The following NFIB variants were observed in gnomAD, a reference collection of about 807,000 sequenced individuals.
NFIB encodes the protein nuclear factor I B.
A neutral mutation model predicts 61.5 loss-of-function variants in NFIB; 11 were observed. The observed-to-expected ratio is 0.18, with a 90% confidence interval of 0.11 to 0.30. NFIB has a LOEUF of 0.30. NFIB is among the 10% of genes least tolerant of loss of function. The probability of loss-of-function intolerance (pLI) is 1.00; values close to 1 mark genes in which losing one functional copy is unlikely to be tolerated. For missense variants in NFIB, 471 were observed against 608.9 expected (o/e 0.77, Z 2.38); for synonymous variants, 260 against 216.5 (o/e 1.20, Z -1.76).
At chr9:14,289,808 T>C (rs1337043253) in intron 2 of NFIB, among the ~76,000 whole-genome samples, 1 of 152,042 alleles carries the variant, frequency 6.6e-6, no homozygotes, top group Non-Finnish European at 1.5e-5. Flanking sequence ...TTACTCATAA[T>C]ATTGAGATAT....
chr9:14,228,846 AATGCCATGTTCCAGGTG>A (rs1226812916), intron 2 of NFIB, among the ~76,000 whole-genome samples: 1 of 152,202 alleles, frequency 6.6e-6, no homozygotes, highest in Non-Finnish European at 1.5e-5. Flanking sequence ...AAACTAATTT[AATGCCATGTTCCAGGTG>A]ACTCAATATG....
At chr9:14,364,944 A>C (rs970158337) in intron 1 of NFIB, among the ~76,000 whole-genome samples, 3 of 152,218 alleles carry the variant, frequency 2.0e-5, no homozygotes, top group Non-Finnish European at 4.4e-5. Context: ...CAGCAATTCC[A>C]CCACATCAAC....
intron 2 of NFIB, among the ~76,000 whole-genome samples, chr9:14,230,577 C>T (rs376688698): frequency 5.3e-5 from 8 of 152,042 alleles, no homozygotes; most frequent in East Asian, 1.9e-4. Flanking sequence ...GCACATAGTA[C>T]GCACTTAACT....
chr9:14,316,663 CTT>C (rs2060548898), upstream of NFIB, among the ~76,000 whole-genome samples: 1 of 152,134 alleles, frequency 6.6e-6, no homozygotes. Context: ...GCAACCTCAT[CTT>C]AGATTAAACA....
chr9:14,185,008 T>C (rs527832001), intron 2 of NFIB, among the ~76,000 whole-genome samples: 5 of 152,152 alleles, frequency 3.3e-5, no homozygotes, highest in Non-Finnish European at 5.9e-5. Flanking sequence ...CTGGTAATGT[T>C]TGGAACACAG....
chr9:14,116,462 C>T (rs1213091486), intron 8 of NFIB, 116 bp from the exon 9 acceptor site: 1 of 1,083,326 alleles, frequency 9.2e-7, no homozygotes, highest in Non-Finnish European at 1.2e-6. Flanking sequence ...ATAGGCGCCA[C>T]ACAGGCCCTC....
rs1457611495 is a variant in NFIB at position 14,083,004 on chromosome 9, T to C, written c.*5305A>G. Reference sequence around the variant, plus strand: ...TTAGTCTAGTGTACCGGTAAGCTAGTGGCACTGAAGCGCTTTTCACAATCT... The same window carrying C: ...TTAGTCTAGTGTACCGGTAAGCTAGCGGCACTGAAGCGCTTTTCACAATCT... On this transcript the variant is annotated 3_prime_UTR_variant, in exon 11 of 11. Coordinates refer to ENST00000380953, the MANE Select transcript of NFIB (RefSeq NM_001190737.2). 1.4e-5 allele frequency: 3 copies of C among 207,076 alleles called. No individual in the cohort carries two copies. The highest frequency in any genetic ancestry group is 6.9e-5 in the African/African-American group (3 of 43,714). The allele number at this position is 207,076 out of a possible 1,614,324, so 12.8% of individuals were successfully genotyped here. A position where few individuals can be genotyped will look rare whatever the true frequency, so the allele number is the denominator to read the frequency against.
chr9:14,413,383 T>C, the NFIB span, among the ~76,000 whole-genome samples: 5 of 152,182 alleles, frequency 3.3e-5, no homozygotes, highest in Non-Finnish European at 7.3e-5. Flanking sequence ...AAGAATCTTT[T>C]TAGAGGGAAT....
At position 14,120,590 on chromosome 9, in the gene NFIB, C is replaced by A; in HGVS notation, c.1095G>T (p.Pro365=). 1 of 1,612,422 alleles carries A rather than the reference C, an allele frequency of 6.2e-7. No individual in the cohort carries two copies. The highest frequency in any genetic ancestry group is 8.5e-7 in the Non-Finnish European group (1 of 1,179,328). ...ISTRTPPPPS[P]LPFPTQAILP... is the part of the protein sequence containing the mutation. ...GGATAGCTTGTGTTGGAAATGGCAA[C>A]GGTGAAGGTGGAGGTGGAGTTCGAG... Residue 365 remains proline (P), a synonymous_variant, in exon 8 of 11, where the codon CCG becomes CCT. Transcript: ENST00000380953. The surrounding 1 kb of genome is among the most constrained non-coding windows in gnomAD (Gnocchi z 4.4).
chr9:14,360,333 C>G (rs912462306), intron 1 of NFIB, among the ~76,000 whole-genome samples: 2 of 152,140 alleles, frequency 1.3e-5, no homozygotes, highest in African/African-American at 4.8e-5. Context: ...GCAGTATGAA[C>G]TTTTCATTAT....
chr9:14,228,260 T>C (rs1429424130), intron 2 of NFIB, among the ~76,000 whole-genome samples: 1 of 149,614 alleles, frequency 6.7e-6, no homozygotes, highest in Non-Finnish European at 1.5e-5. Flanking sequence ...AGTGGCGCAA[T>C]CTCGGCTCAC....
At chr9:14,205,282 G>GGAAAGGAAGGAA in intron 2 of NFIB, among the ~76,000 whole-genome samples, 1 of 132,462 alleles carries the variant, frequency 7.5e-6, no homozygotes, top group Non-Finnish European at 1.6e-5. Flanking sequence ...GTGGGAGGGA[G>GGAAAGGAAGGAA]GGAAAGAAGA....
chr9:14,311,465 C>T (rs16931553), intron 1 of NFIB, among the ~76,000 whole-genome samples: 1,749 of 152,220 alleles, frequency 0.011, 28 homozygotes, highest in African/African-American at 0.04. Flanking sequence ...AGCTGAAATT[C>T]CTTCCCTGGT....
At chr9:14,201,291 C>A (rs914172503) in intron 2 of NFIB, among the ~76,000 whole-genome samples, 2 of 152,166 alleles carry the variant, frequency 1.3e-5, no homozygotes, top group Non-Finnish European at 2.9e-5. Flanking sequence ...GTACAGCATT[C>A]AAGGTGCTCC....
upstream of NFIB, among the ~76,000 whole-genome samples, chr9:14,316,645 AATTT>A (rs2060548030): frequency 6.6e-6 from 1 of 152,188 alleles, no homozygotes. Flanking sequence ...TTCTCTCAGA[AATTT>A]TAGGCAACCT....
At chr9:14,411,154 A>C in the NFIB span, among the ~76,000 whole-genome samples, 3 of 152,202 alleles carry the variant, frequency 2.0e-5, no homozygotes, top group Non-Finnish European at 2.9e-5. Flanking sequence ...ATCTTCTAAG[A>C]ATCCCCAACC....
chr9:14,325,943 T>C (rs546683521), intron 1 of NFIB, among the ~76,000 whole-genome samples: 1 of 152,340 alleles, frequency 6.6e-6, no homozygotes, highest in South Asian at 2.1e-4. Context: ...ATTGTATTTT[T>C]AATATAAATT....
At chr9:14,204,600 C>T (rs1239551107) in intron 2 of NFIB, 10 of 1,024,362 alleles carry the variant, frequency 9.8e-6, no homozygotes, top group Admixed American at 1.9e-5. Flanking sequence ...TTGGCCCGGG[C>T]GGAGAAGAAA....
chr9:14,308,714 T>G lies in NFIB; in HGVS notation c.31-1194A>C, dbSNP rs1490461607. ...GCATATATGCATGTGCATGTGAATT[T>G]GCAGATACATAGATTATAGAGTACC... On this transcript the variant is annotated intron_variant, in intron 1 of 10. Coordinates refer to ENST00000380953, the MANE Select transcript of NFIB (RefSeq NM_001190737.2). 2.0e-5 allele frequency among the ~76,000 whole-genome samples: 3 copies of G among 152,360 alleles called. No homozygotes were observed. In the East Asian group the frequency reaches 5.8e-4, roughly 29 times the overall value.
Sources: allele counts gnomAD v4.1 joint callset (sites outside exome capture counted in the v4.1 genomes callset), GRCh38; gene constraint gnomAD v4.1.1; non-coding constraint Gnocchi (gnomAD v3.1); transcripts MANE v1.5; gene names NCBI Gene and HGNC (gene_info 2026-07-23, HGNC 2026-07-21).